Variants in PHACTR2 observed in about 807,000 individuals in gnomAD.
The protein encoded by PHACTR2 is phosphatase and actin regulator 2.
PHACTR2 carries 30 observed loss-of-function variants against 76.0 expected under a neutral mutation model. The ratio of observed to expected loss-of-function variants is 0.39; its 90% CI spans 0.30 to 0.54. The LOEUF is 0.54. Among genes scored for constraint, PHACTR2 ranks in the 20% least tolerant of loss-of-function variants. The probability of loss-of-function intolerance (pLI) is 0.61; values close to 1 mark genes in which losing one functional copy is unlikely to be tolerated. For missense variants in PHACTR2, 696 were observed against 781.1 expected (o/e 0.89, Z 1.30); for synonymous variants, 292 against 292.5 (o/e 1.00, Z 0.02).
At position 143,830,113 on chromosome 6, in the gene PHACTR2, A is replaced by T. The variant is rs1043770707; in HGVS notation, c.*6424A>T. The T allele has an allele frequency of 6.6e-6, 1 of 152,184 alleles. No homozygotes were observed. Among genetic ancestry groups the T allele is most frequent in the African/African-American group, 2.4e-5 (1 of 41,448 alleles). 9.4% of individuals were successfully genotyped at this position (152,184 alleles called of 1,614,324 possible). ...CTCGCCTTCAGAAATAATCAGAATG[A>T]TTCAAGGGTCAAACCACTTTCATCC... On this transcript the variant is annotated 3_prime_UTR_variant, in exon 13 of 13. Transcript: ENST00000440869.
At chr6:143,747,846 C>T (rs1281727311) in intron 2 of PHACTR2, among the ~76,000 whole-genome samples, 1 of 152,166 alleles carries the variant, frequency 6.6e-6, no homozygotes, top group Non-Finnish European at 1.5e-5. Flanking sequence ...TACGCACCTT[C>T]TTGGCCCCTG....
chr6:143,635,511 A>G (rs1436587605), intron 1 of PHACTR2, among the ~76,000 whole-genome samples: 3 of 152,222 alleles, frequency 2.0e-5, no homozygotes, highest in Non-Finnish European at 4.4e-5. Flanking sequence ...AAATGTTTCT[A>G]ACTATTTATA....
At chr6:143,799,302 G>C (rs1397831975) in intron 11 of PHACTR2, among the ~76,000 whole-genome samples, 1 of 152,158 alleles carries the variant, frequency 6.6e-6, no homozygotes, top group Non-Finnish European at 1.5e-5. Context: ...CTTGCTGGCA[G>C]TCTATCTATT....
chr6:143,701,360 A>G (rs978951440), intron 1 of PHACTR2, among the ~76,000 whole-genome samples: 9 of 152,238 alleles, frequency 5.9e-5, no homozygotes, highest in African/African-American at 2.2e-4. Context: ...ATATTATGAT[A>G]AATAAGGATT....
At chr6:143,615,437 T>A (rs572450996) in intron 1 of PHACTR2, among the ~76,000 whole-genome samples, 2 of 152,202 alleles carry the variant, frequency 1.3e-5, no homozygotes, top group South Asian at 4.1e-4. Context: ...GCAAATTAAT[T>A]TGTAAATATC....
At chr6:143,572,426 A>G (rs1015447997) in intron 1 of PHACTR2, among the ~76,000 whole-genome samples, 3 of 152,166 alleles carry the variant, frequency 2.0e-5, no homozygotes, top group Admixed American at 6.6e-5. Context: ...TATCCCAACT[A>G]TATATTTTTT....
Position 143,570,090 on chromosome 6 carries a change from T to G in PHACTR2, c.217+32883T>G, listed in dbSNP as rs189136415. On this transcript the variant is annotated intron_variant, in intron 1 of 11. Transcript: ENST00000367584. This position sits in a 1 kb window ranked among gnomAD's most constrained non-coding sequence, Gnocchi z 4.6. ...CAATCCTTTGAGGTCAATTTCATTG[T>G]TTTTCTCCTTATTCTCTGCTCTTAA... Among the ~76,000 whole-genome samples, 164 of 152,336 alleles carry G rather than the reference T, an allele frequency of 1.1e-3. No homozygotes were observed. Among genetic ancestry groups the G allele is most frequent in the African/African-American group, 3.6e-3 (150 of 41,576 alleles).
rs889439550 is a variant in PHACTR2, at chr6:143,664,558, A to C, written c.14-47458A>C. Reference sequence around the variant, plus strand: ...TAGTGATTTGGAAGCTTATAGTTATATCTTTCTTACTATTTGAAACAGTTA... The same window carrying C: ...TAGTGATTTGGAAGCTTATAGTTATCTCTTTCTTACTATTTGAAACAGTTA... On this transcript the variant is annotated intron_variant, in intron 1 of 11. Transcript: ENST00000305766. This position sits in a 1 kb window ranked among gnomAD's most constrained non-coding sequence, Gnocchi z 5.1. 6.6e-6 allele frequency among the ~76,000 whole-genome samples: 1 copy of C among 152,132 alleles called. No homozygotes were observed. Among genetic ancestry groups the C allele is most frequent in the Non-Finnish European group, 1.5e-5 (1 of 68,012 alleles).
intron 3 of PHACTR2, among the ~76,000 whole-genome samples, chr6:143,752,216 T>G (rs576178947): frequency 1.5e-4 from 23 of 152,198 alleles, no homozygotes; most frequent in Admixed American, 7.8e-4. Context: ...TATACTTTTA[T>G]TATCAACTAA....
rs2128433669 is a variant in PHACTR2 at position 143,585,589 on chromosome 6, T to C, written c.217+48382T>C. 6.6e-6 allele frequency among the ~76,000 whole-genome samples: 1 copy of C among 152,202 alleles called. No homozygotes were observed. The highest frequency in any genetic ancestry group is 2.1e-4 in the South Asian group (1 of 4,822). ...GGGAACATACTGGAGTCTGATGGTG[T>C]CATCTTGGGAACACTGTGTTCTGAA... is the stretch of plus-strand genomic sequence containing the variant. On this transcript the variant is annotated intron_variant, in intron 1 of 11. Coordinates refer to the PHACTR2 transcript ENST00000367584. The surrounding 1 kb of genome is among the most constrained non-coding windows in gnomAD (Gnocchi z 5.2).
intron 2 of PHACTR2, among the ~76,000 whole-genome samples, chr6:143,729,400 G>C (rs1778652603): frequency 6.6e-6 from 1 of 152,048 alleles, no homozygotes; most frequent in Non-Finnish European, 1.5e-5. Context: ...TTGGTCTCCT[G>C]TCATGCCTAA....
intron 1 of PHACTR2, among the ~76,000 whole-genome samples, chr6:143,634,476 A>T (rs1406862642): frequency 6.6e-6 from 1 of 152,206 alleles, no homozygotes; most frequent in East Asian, 1.9e-4. Flanking sequence ...CTCAGAGGTT[A>T]TTGAAGAAGA....
At chr6:143,744,467 GT>G (rs1779011158) in intron 2 of PHACTR2, among the ~76,000 whole-genome samples, 1 of 152,198 alleles carries the variant, frequency 6.6e-6, no homozygotes, top group Admixed American at 6.5e-5. Flanking sequence ...GTGACGATGG[GT>G]TTTGCAGGGA....
Position 143,658,446 on chromosome 6 carries a change from A to G in PHACTR2, c.13+50124A>G, listed in dbSNP as rs1776887806. Among the ~76,000 whole-genome samples, 2 of 152,162 alleles carry G rather than the reference A, an allele frequency of 1.3e-5. No individual in the cohort carries two copies. Among genetic ancestry groups the G allele is most frequent in the Admixed American group, 1.3e-4 (2 of 15,284 alleles). ...TTTTTTCAATAAAGTACAACCATGC[A>G]TTGCTTAAAGACAGGGATACAATCT... On this transcript the variant is annotated intron_variant, in intron 1 of 11. Coordinates refer to the PHACTR2 transcript ENST00000305766. The surrounding 1 kb of genome is among the most constrained non-coding windows in gnomAD (Gnocchi z 4.1).
In PHACTR2 at chr6:143,700,220, AT is replaced by A. The variant is rs1165903884; in HGVS notation, c.47-11795del. Among the ~76,000 whole-genome samples the A allele has an allele frequency of 6.6e-6, 1 of 152,176 alleles. No homozygotes were observed. The highest frequency in any genetic ancestry group is 2.4e-5 in the African/African-American group (1 of 41,436). ...ATTCATCCTCAATGGGAATTTTTTCATAATTTTGTCTGAAACAAAATTTAGC... is the reference window on the plus strand; with the variant it reads ...ATTCATCCTCAATGGGAATTTTTTCAAATTTTGTCTGAAACAAAATTTAGC... On this transcript the variant is annotated intron_variant, in intron 1 of 12. Coordinates refer to ENST00000440869, the MANE Select transcript of PHACTR2 (RefSeq NM_001100164.2). This position sits in a 1 kb window ranked among gnomAD's most constrained non-coding sequence, Gnocchi z 4.1.
chr6:143,728,829 A>G (rs188754754), intron 2 of PHACTR2, among the ~76,000 whole-genome samples: 54 of 152,324 alleles, frequency 3.5e-4, no homozygotes, highest in African/African-American at 1.3e-3. Flanking sequence ...GTATATAAAA[A>G]TCAACGCAAA....
chr6:143,794,509 T>C lies in PHACTR2; in HGVS notation c.1845+5599T>C, dbSNP rs762809414. Among the ~76,000 whole-genome samples, 1 of 152,100 alleles carries C rather than the reference T, an allele frequency of 6.6e-6. No homozygotes were observed. The highest frequency in any genetic ancestry group is 1.5e-5 in the Non-Finnish European group (1 of 67,998). ...CACCTCTGCTTTAAAAAATAAACAA[T>C]GAGGCCAGGTGCAGTGGCTCATGCC... On this transcript the variant is annotated intron_variant, in intron 11 of 12. Coordinates refer to ENST00000440869, the MANE Select transcript of PHACTR2 (RefSeq NM_001100164.2). The surrounding 1 kb of genome is among the most constrained non-coding windows in gnomAD (Gnocchi z 4.1).
chr6:143,705,459 C>T (rs531948873), intron 1 of PHACTR2, among the ~76,000 whole-genome samples: 10 of 152,008 alleles, frequency 6.6e-5, no homozygotes, highest in East Asian at 5.8e-4. Context: ...TGCGCCCAGC[C>T]AATTTTTTGT....
Position 143,659,536 on chromosome 6 carries a change from A to T in PHACTR2, c.13+51214A>T, listed in dbSNP as rs993908661. Among the ~76,000 whole-genome samples the T allele has an allele frequency of 1.3e-5, 2 of 152,160 alleles. No homozygotes were observed. The highest frequency in any genetic ancestry group is 4.8e-5 in the African/African-American group (2 of 41,426). ...AGGGCTCAGTTTCTTGCTGGCTGTGAGTGGGAGGTTGCCCTCTGTTCCTTG... is the reference window on the plus strand; with the variant it reads ...AGGGCTCAGTTTCTTGCTGGCTGTGTGTGGGAGGTTGCCCTCTGTTCCTTG... On this transcript the variant is annotated intron_variant, in intron 1 of 11. Transcript: ENST00000305766. The surrounding 1 kb of genome is among the most constrained non-coding windows in gnomAD (Gnocchi z 5.0).
Sources: gnomAD v4.1 joint callset for allele counts (sites outside exome capture counted in the v4.1 genomes callset) on GRCh38, gnomAD v4.1.1 for gene constraint, Gnocchi (gnomAD v3.1) non-coding constraint, MANE v1.5 for transcripts, NCBI Gene and HGNC (gene_info 2026-07-23, HGNC 2026-07-21) for gene names.